SNX29: variants seen among roughly 807,000 people sequenced by gnomAD.
SNX29 encodes the protein sorting nexin 29.
In SNX29, 78 loss-of-function variants were observed where a neutral mutation model predicts 102.1. The observed-to-expected ratio is 0.76, with a 90% CI of 0.64 to 0.92. The LOEUF is 0.92. Ranked by LOEUF, SNX29 falls within the 40% of genes least tolerant of loss-of-function variation. The pLI, the probability that SNX29 is intolerant of heterozygous loss-of-function variation, is 0.00. For synonymous variants in SNX29, 580 were observed against 414.5 expected (o/e 1.40, Z -4.85); for missense variants, 1,280 against 1,061.7 (o/e 1.21, Z -2.86).
At chr16:12,321,735 C>T (rs2080938269) in intron 15 of SNX29, among the ~76,000 whole-genome samples, 1 of 152,272 alleles carries the variant, frequency 6.6e-6, no homozygotes, top group East Asian at 1.9e-4. Flanking sequence ...GGAGAAGAAA[C>T]TTGGGCCCAA....
In SNX29 at chr16:12,047,841, G is replaced by C. The variant is rs182873211; in HGVS notation, c.500-531G>C. Among the ~76,000 whole-genome samples, 459 of 152,040 alleles carry C rather than the reference G, an allele frequency of 3.0e-3. 5 individuals carry two copies. The highest frequency in any genetic ancestry group is 0.011 in the African/African-American group (441 of 41,466). ...CCTGGCTAATTTTGTATTTTTAGTAGATATGGGGTTTCTCCATGTTGGTCA... is the reference window on the plus strand; with the variant it reads ...CCTGGCTAATTTTGTATTTTTAGTACATATGGGGTTTCTCCATGTTGGTCA... On this transcript the variant is annotated intron_variant, in intron 6 of 20. Transcript: ENST00000566228.
intron 4 of SNX29, among the ~76,000 whole-genome samples, chr16:12,034,511 G>C (rs978430152): frequency 1.3e-5 from 2 of 152,314 alleles, no homozygotes; most frequent in East Asian, 3.9e-4. Context: ...TGCTGTACCC[G>C]TTGGGCTGTG....
intron 18 of SNX29, among the ~76,000 whole-genome samples, chr16:12,434,249 A>G (rs1249599571): frequency 6.6e-6 from 1 of 152,192 alleles, no homozygotes; most frequent in East Asian, 1.9e-4. Flanking sequence ...TCGGTAAGAT[A>G]ATACTCATTA....
intron 2 of SNX29, among the ~76,000 whole-genome samples, chr16:12,001,314 TG>T (rs1357586817): frequency 1.3e-5 from 2 of 152,130 alleles, no homozygotes; most frequent in Non-Finnish European, 2.9e-5. Flanking sequence ...GGTTTCACCA[TG>T]TTGGCCAGGC....
intron 18 of SNX29, among the ~76,000 whole-genome samples, chr16:12,407,065 A>T (rs531913525): frequency 2.0e-5 from 3 of 152,306 alleles, no homozygotes; most frequent in African/African-American, 7.2e-5. Context: ...GCCTTGGAAC[A>T]AGCTCTCCTA....
intron 11 of SNX29, among the ~76,000 whole-genome samples, chr16:12,097,261 G>A (rs1165868672): frequency 6.6e-6 from 1 of 152,246 alleles, no homozygotes; most frequent in African/African-American, 2.4e-5. Context: ...AGTGCTTAGC[G>A]GTAGATAAAC....
At chr16:11,986,644 A>G (rs75913656) in intron 1 of SNX29, among the ~76,000 whole-genome samples, 1 of 152,296 alleles carries the variant, frequency 6.6e-6, no homozygotes, top group East Asian at 1.9e-4. Flanking sequence ...CACCAAATTG[A>G]TGTACCGCAG....
intron 20 of SNX29, among the ~76,000 whole-genome samples, chr16:12,565,915 C>T (rs2078984622): frequency 6.6e-6 from 1 of 152,188 alleles, no homozygotes; most frequent in Non-Finnish European, 1.5e-5. Context: ...CACCGTGATC[C>T]ACCACAGCCA....
chr16:12,550,969 G>T (rs1185250379), intron 20 of SNX29, among the ~76,000 whole-genome samples: 1 of 152,120 alleles, frequency 6.6e-6, no homozygotes, highest in Admixed American at 6.6e-5. Context: ...TGGGCTTAGG[G>T]CACAACAAAA....
chr16:12,169,304 G>T (rs370475299), intron 13 of SNX29, among the ~76,000 whole-genome samples: 1 of 152,174 alleles, frequency 6.6e-6, no homozygotes, highest in African/African-American at 2.4e-5. Context: ...AAGTGACGCC[G>T]CCTGGTTTGT....
At chr16:12,412,089 G>A (rs568493258) in intron 18 of SNX29, among the ~76,000 whole-genome samples, 13 of 152,292 alleles carry the variant, frequency 8.5e-5, no homozygotes, top group Non-Finnish European at 1.6e-4. Context: ...GAAAGCAACC[G>A]AAGTTCAAGG....
chr16:12,257,993 G>A (rs948100114), intron 14 of SNX29, among the ~76,000 whole-genome samples: 6 of 152,098 alleles, frequency 3.9e-5, no homozygotes, highest in South Asian at 2.1e-4. Flanking sequence ...CACTGCTATC[G>A]CCTGGGTCAG....
chr16:12,228,685 G>A (rs571845735), intron 14 of SNX29, among the ~76,000 whole-genome samples: 5 of 152,310 alleles, frequency 3.3e-5, no homozygotes, highest in Admixed American at 3.3e-4. Flanking sequence ...CCCAACCTAT[G>A]CTGTTCTCTG....
chr16:12,549,737 C>G (rs971156613), intron 20 of SNX29, among the ~76,000 whole-genome samples: 4 of 152,196 alleles, frequency 2.6e-5, no homozygotes, highest in Non-Finnish European at 5.9e-5. Context: ...AAGTGTGTTC[C>G]AGCATTTACT....
At chr16:12,547,344 A>C (rs1567169300) in intron 20 of SNX29, among the ~76,000 whole-genome samples, 1 of 152,082 alleles carries the variant, frequency 6.6e-6, no homozygotes, top group Non-Finnish European at 1.5e-5. Context: ...AGCCAAGGGA[A>C]CTCTAGCTGC....
intron 16 of SNX29, among the ~76,000 whole-genome samples, chr16:12,361,459 A>T (rs1343038737): frequency 6.6e-6 from 1 of 152,262 alleles, no homozygotes. Context: ...TGATATTAAT[A>T]GCTAATATTT....
At chr16:12,549,619 C>G (rs1029663436) in intron 20 of SNX29, among the ~76,000 whole-genome samples, 3 of 152,244 alleles carry the variant, frequency 2.0e-5, no homozygotes, top group African/African-American at 7.2e-5. Context: ...TCCTTGCCCT[C>G]CACACGCTCT....
intron 11 of SNX29, among the ~76,000 whole-genome samples, chr16:12,120,396 GTA>G (rs1444182969): frequency 6.6e-6 from 1 of 152,226 alleles, no homozygotes; most frequent in East Asian, 1.9e-4. Context: ...ACAGATCTAT[GTA>G]TATATGTGAG....
rs558910894 is a variant in SNX29 at position 12,139,614 on chromosome 16, C to T, written c.1595+9856C>T. Among the ~76,000 whole-genome samples, 16 of 152,272 alleles carry T rather than the reference C, an allele frequency of 1.1e-4. No individual in the cohort carries two copies. The South Asian group carries it at 2.9e-3, about 28-fold the overall frequency. ...GCTGGGCTTTAGACCTGTGGATGGT[C>T]GTTTGCCCCAAGATGTATTTTTAGT... On this transcript the variant is annotated intron_variant, in intron 13 of 20. Transcript: ENST00000566228.
Sources: gnomAD v4.1 joint callset for allele counts (sites outside exome capture counted in the v4.1 genomes callset) on GRCh38, gnomAD v4.1.1 for gene constraint, MANE v1.5 for transcripts, NCBI Gene and HGNC (gene_info 2026-07-23, HGNC 2026-07-21) for gene names.